MALRD1: variants seen among roughly 807,000 people sequenced by gnomAD.
MALRD1 encodes the protein MAM and LDL-receptor class A domain-containing protein 1.
MALRD1 carries 247 observed loss-of-function variants against 242.1 expected under a neutral mutation model. That is an observed-to-expected ratio of 1.02 (90% CI 0.92 to 1.13). The LOEUF (loss-of-function observed/expected upper bound fraction) is 1.13, where lower values mean the gene tolerates loss of function less well. Ranked by LOEUF, MALRD1 falls within the 50% of genes most tolerant of loss-of-function variation. The pLI is 0.00. For missense variants in MALRD1, 2,989 were observed against 2,533.1 expected, an observed-to-expected ratio of 1.18 and a Z score of -3.86; for synonymous variants, 995 against 866.6, an observed-to-expected ratio of 1.15 and a Z score of -2.60.
At chr10:19,511,638 A>G (rs1200369647) in intron 31 of MALRD1, among the ~76,000 whole-genome samples, 1 of 152,216 alleles carries the variant, frequency 6.6e-6, no homozygotes, top group Non-Finnish European at 1.5e-5. Context: ...CCTATAGAAG[A>G]ATCAAACCTG....
At chr10:19,218,694 G>A (rs1837431425) in intron 18 of MALRD1, among the ~76,000 whole-genome samples, 1 of 152,064 alleles carries the variant, frequency 6.6e-6, no homozygotes, top group South Asian at 2.1e-4. Context: ...CTTCTTTAAA[G>A]TCTTACAGGT....
intron 28 of MALRD1, among the ~76,000 whole-genome samples, chr10:19,391,527 C>A (rs879603910): frequency 2.0e-5 from 3 of 152,154 alleles, no homozygotes; most frequent in African/African-American, 7.2e-5. Flanking sequence ...CTTTACTCTT[C>A]GTCTTTTAAG....
chr10:19,365,145 T>C (rs1010168134), intron 26 of MALRD1, among the ~76,000 whole-genome samples: 2 of 152,280 alleles, frequency 1.3e-5, no homozygotes, highest in Admixed American at 1.3e-4. Context: ...ATATATTTAA[T>C]TTAAAATGAA....
chr10:19,731,078 G>T (rs1835276897), intron 39 of MALRD1, among the ~76,000 whole-genome samples: 1 of 152,180 alleles, frequency 6.6e-6, no homozygotes, highest in African/African-American at 2.4e-5. Context: ...GGAAATATCA[G>T]TTTAACCCAC....
intron 36 of MALRD1, among the ~76,000 whole-genome samples, chr10:19,620,627 A>G (rs1839359753): frequency 6.6e-6 from 1 of 152,142 alleles, no homozygotes; most frequent in South Asian, 2.1e-4. Context: ...ACTCCTTTGG[A>G]GAGTTCATGG....
intron 26 of MALRD1, among the ~76,000 whole-genome samples, chr10:19,383,677 T>A (rs1252432367): frequency 6.6e-6 from 1 of 152,122 alleles, no homozygotes; most frequent in Non-Finnish European, 1.5e-5. Context: ...GGTAGACAAG[T>A]GTTATTATTA....
chr10:19,053,089 C>G (rs1403924284), intron 1 of MALRD1, among the ~76,000 whole-genome samples: 1 of 152,188 alleles, frequency 6.6e-6, no homozygotes, highest in Non-Finnish European at 1.5e-5. Flanking sequence ...CTGCCACCCT[C>G]TGCTCTCATC....
intron 33 of MALRD1, among the ~76,000 whole-genome samples, chr10:19,577,262 A>T (rs1055706722): frequency 6.6e-6 from 1 of 152,172 alleles, no homozygotes; most frequent in Non-Finnish European, 1.5e-5. Flanking sequence ...GGATTATAGA[A>T]TATTATTAGA....
rs200650884 is a variant in MALRD1, at chr10:19,389,483, G to A, written c.4719G>A (p.Val1573=). 2.1e-4 allele frequency: 322 copies of A among 1,550,526 alleles called. No homozygotes were observed. Among genetic ancestry groups the A allele is most frequent in the Non-Finnish European group, 2.7e-4 (307 of 1,146,956 alleles). Residue 1573 remains valine, a synonymous_variant, in exon 28 of 40, where the codon GTG becomes GTA. Transcript: ENST00000454679. ...TCATGTATCTGGAAGCTACTGCAGT[G>A]GGCCTTCGGGGTGACAAAGCACACT... ...GHFMYLEATA[V]GLRGDKAHFR...
intron 35 of MALRD1, among the ~76,000 whole-genome samples, chr10:19,615,310 G>T (rs537683507): frequency 6.6e-6 from 1 of 151,762 alleles, no homozygotes; most frequent in African/African-American, 2.4e-5. Flanking sequence ...TTGAGGCTAA[G>T]AGTTTAAGAC....
intron 24 of MALRD1, among the ~76,000 whole-genome samples, chr10:19,346,684 C>T (rs1318416021): frequency 2.0e-5 from 3 of 152,116 alleles, no homozygotes; most frequent in African/African-American, 7.2e-5. Context: ...TGGAGTCTCG[C>T]TCTATCACCC....
intron 2 of MALRD1, among the ~76,000 whole-genome samples, chr10:19,077,265 A>G (rs985721956): frequency 3.9e-5 from 6 of 151,982 alleles, no homozygotes; most frequent in South Asian, 2.1e-4. Flanking sequence ...CTAATTCTGT[A>G]GGTTTACAGA....
intron 36 of MALRD1, among the ~76,000 whole-genome samples, chr10:19,664,774 A>G (rs1841602955): frequency 6.6e-6 from 1 of 152,064 alleles, no homozygotes; most frequent in South Asian, 2.1e-4. Context: ...AACCAAAATT[A>G]ATATGTTTGT....
intron 21 of MALRD1, among the ~76,000 whole-genome samples, chr10:19,320,238 A>G (rs1047944153): frequency 6.6e-6 from 1 of 151,744 alleles, no homozygotes. Context: ...ACCCCGCGAC[A>G]GGCCCCAGTG....
Position 19,734,267 on chromosome 10 carries a change from G to A in MALRD1, c.*30G>A, listed in dbSNP as rs1203212209. ...ATCGAGACCAAGTCTGATCCAACAT[G>A]TGTAGTTTCTAGAAAATTGAAGTCT... is the stretch of plus-strand genomic sequence containing the variant. On this transcript the variant is annotated 3_prime_UTR_variant, in exon 40 of 40. Transcript: ENST00000454679. The A allele has an allele frequency of 2.0e-6, 3 of 1,506,168 alleles. No homozygotes were observed. The Admixed American group carries it at 5.9e-5, about 30-fold the overall frequency. The allele number at this position is 1,506,168 out of a possible 1,614,324, so 93.3% of individuals were successfully genotyped here.
At chr10:19,530,522 G>A (rs149587513) in intron 31 of MALRD1, among the ~76,000 whole-genome samples, 2,397 of 141,462 alleles carry the variant, frequency 0.017, 39 homozygotes, top group East Asian at 0.045. Context: ...TCTTGAATGG[G>A]ACTACAAATA....
chr10:19,539,901 CGCGCGCGT>C (rs1455171686), intron 32 of MALRD1, among the ~76,000 whole-genome samples: 10 of 47,380 alleles, frequency 2.1e-4, no homozygotes, highest in African/African-American at 5.7e-4. Flanking sequence ...TGTGTGTGCG[CGCGCGCGT>C]GCGCGCACAC....
intron 4 of MALRD1, among the ~76,000 whole-genome samples, chr10:19,099,877 C>A (rs932771994): frequency 4.6e-5 from 7 of 151,796 alleles, no homozygotes; most frequent in African/African-American, 1.7e-4. Flanking sequence ...ATTCTCCTGC[C>A]TCAGCCTCCC....
At chr10:19,614,868 G>A (rs983897503) in intron 35 of MALRD1, among the ~76,000 whole-genome samples, 1 of 151,996 alleles carries the variant, frequency 6.6e-6, no homozygotes, top group East Asian at 1.9e-4. Flanking sequence ...ATCAAAAAAG[G>A]CTTTTGCCTG....
Sources: gnomAD v4.1 joint callset for allele counts (sites outside exome capture counted in the v4.1 genomes callset) on GRCh38, gnomAD v4.1.1 for gene constraint, MANE v1.5 for transcripts, NCBI Gene and HGNC (gene_info 2026-07-23, HGNC 2026-07-21) for gene names.